The following GRIP1 variants were observed in gnomAD, a reference collection of about 807,000 sequenced individuals.
GRIP1 encodes the protein glutamate receptor interacting protein 1.
A neutral mutation model predicts 129.9 loss-of-function variants in GRIP1; 45 were observed. The ratio of observed to expected loss-of-function variants is 0.35; its 90% CI spans 0.27 to 0.44. The LOEUF is 0.44. Ranked by LOEUF, GRIP1 falls within the 20% of genes least tolerant of loss-of-function variation. GRIP1 has a pLI of 1.00. For synonymous variants in GRIP1, 530 were observed against 520.8 expected (o/e 1.02, Z -0.24); for missense variants, 1,196 against 1,396.8 (o/e 0.86, Z 2.29).
At chr12:66,705,670 A>G (rs2035503109) in intron 1 of GRIP1, among the ~76,000 whole-genome samples, 2 of 152,244 alleles carry the variant, frequency 1.3e-5, no homozygotes, top group Non-Finnish European at 2.9e-5. Flanking sequence ...ACAAGGCTAC[A>G]GTAACCAAAA....
At chr12:66,903,501 A>G (rs959987208) in intron 1 of GRIP1, among the ~76,000 whole-genome samples, 2 of 151,934 alleles carry the variant, frequency 1.3e-5, no homozygotes, top group African/African-American at 4.8e-5. Flanking sequence ...AAGATAAATT[A>G]TTTTTTAAAG....
intron 1 of GRIP1, among the ~76,000 whole-genome samples, chr12:66,825,789 A>G (rs1324243673): frequency 6.6e-6 from 1 of 152,218 alleles, no homozygotes; most frequent in Non-Finnish European, 1.5e-5. Flanking sequence ...ACATTTTAAA[A>G]TGCTGAATGC....
At chr12:66,452,681 C>G (rs549622701) in intron 11 of GRIP1, among the ~76,000 whole-genome samples, 51 of 152,078 alleles carry the variant, frequency 3.4e-4, no homozygotes, top group Admixed American at 2.6e-3. Context: ...ATATGTATTA[C>G]AAAGGGGGCA....
intron 22 of GRIP1, among the ~76,000 whole-genome samples, chr12:66,376,531 G>C (rs934586452): frequency 6.6e-6 from 1 of 152,134 alleles, no homozygotes; most frequent in Admixed American, 6.5e-5. Context: ...ATTCCATCTC[G>C]TTCTTCCTTG....
intron 1 of GRIP1, among the ~76,000 whole-genome samples, chr12:66,916,175 G>A (rs960746592): frequency 2.0e-5 from 3 of 152,170 alleles, no homozygotes; most frequent in Non-Finnish European, 4.4e-5. Flanking sequence ...AAAGGAAAAT[G>A]GCAAGTATGT....
intron 1 of GRIP1, among the ~76,000 whole-genome samples, chr12:67,049,126 C>A (rs1279295231): frequency 6.6e-6 from 1 of 152,096 alleles, no homozygotes; most frequent in Non-Finnish European, 1.5e-5. Context: ...CACTCAGAAC[C>A]ATGCACCGTT....
At chr12:66,856,593 A>C (rs1338839575) in intron 1 of GRIP1, among the ~76,000 whole-genome samples, 2 of 152,046 alleles carry the variant, frequency 1.3e-5, no homozygotes, top group African/African-American at 2.4e-5. Context: ...AAAAGAAGAC[A>C]TTTATGCAGC....
intron 1 of GRIP1, among the ~76,000 whole-genome samples, chr12:66,637,619 C>T (rs2031527339): frequency 6.6e-6 from 1 of 151,500 alleles, no homozygotes; most frequent in Admixed American, 6.6e-5. Flanking sequence ...AGTAATTAAG[C>T]TCGACTTAAA....
chr12:66,506,639 A>G (rs1032096381), intron 7 of GRIP1, among the ~76,000 whole-genome samples: 1 of 152,196 alleles, frequency 6.6e-6, no homozygotes, highest in Non-Finnish European at 1.5e-5. Context: ...TGTACAACTA[A>G]GATTTCAGTG....
intron 1 of GRIP1, among the ~76,000 whole-genome samples, chr12:67,057,445 A>G (rs1010993033): frequency 5.3e-5 from 8 of 152,066 alleles, no homozygotes; most frequent in Admixed American, 5.2e-4. Flanking sequence ...GTAAAAAAAA[A>G]AAAAAAAAAA....
chr12:66,676,502 A>T (rs1264214779), intron 1 of GRIP1, among the ~76,000 whole-genome samples: 2 of 152,170 alleles, frequency 1.3e-5, no homozygotes, highest in African/African-American at 4.8e-5. Context: ...AGCATTTCCT[A>T]AGAGCTCACA....
chr12:66,983,736 C>T (rs1566105857), intron 1 of GRIP1, among the ~76,000 whole-genome samples: 1 of 152,166 alleles, frequency 6.6e-6, no homozygotes, highest in Non-Finnish European at 1.5e-5. Context: ...TTTATGCATA[C>T]ACTTCATCAG....
intron 23 of GRIP1, among the ~76,000 whole-genome samples, chr12:66,366,820 A>G (rs1482045387): frequency 6.6e-6 from 1 of 151,536 alleles, no homozygotes; most frequent in East Asian, 1.9e-4. Flanking sequence ...AGTAGTTTAG[A>G]CTACAGGTGC....
At chr12:66,936,664 C>A (rs1317728418) in intron 1 of GRIP1, among the ~76,000 whole-genome samples, 1 of 152,124 alleles carries the variant, frequency 6.6e-6, no homozygotes, top group Admixed American at 6.6e-5. Flanking sequence ...GGCCTGGGCA[C>A]CCCTGAGCTT....
intron 16 of GRIP1, among the ~76,000 whole-genome samples, chr12:66,403,199 T>C (rs958239282): frequency 6.6e-6 from 1 of 152,228 alleles, no homozygotes; most frequent in African/African-American, 2.4e-5. Context: ...AATTGTGTAG[T>C]GGTGAAGCCT....
At chr12:66,997,748 CA>C (rs1443912724) in intron 1 of GRIP1, among the ~76,000 whole-genome samples, 1 of 152,060 alleles carries the variant, frequency 6.6e-6, no homozygotes, top group Non-Finnish European at 1.5e-5. Context: ...GACAATCTAG[CA>C]GGAAAATAAT....
intron 2 of GRIP1, among the ~76,000 whole-genome samples, chr12:66,565,399 G>GT (rs1398051097): frequency 2.0e-5 from 3 of 152,098 alleles, no homozygotes; most frequent in African/African-American, 7.2e-5. Flanking sequence ...CCCATTTCTT[G>GT]TTTTTGTCAG....
chr12:66,527,910 C>G (rs1183640897), intron 5 of GRIP1, among the ~76,000 whole-genome samples: 3 of 151,708 alleles, frequency 2.0e-5, no homozygotes, highest in Admixed American at 6.6e-5. Context: ...ACCCCAAGCC[C>G]CCATGACATG....
chr12:66,730,964 G>A (rs1400267176), intron 1 of GRIP1, among the ~76,000 whole-genome samples: 2 of 152,106 alleles, frequency 1.3e-5, no homozygotes. Flanking sequence ...AGTGTGGAAA[G>A]CATAATTATT....
Sources: allele counts gnomAD v4.1 joint callset (sites outside exome capture counted in the v4.1 genomes callset), GRCh38; gene constraint gnomAD v4.1.1; transcripts MANE v1.5; gene names NCBI Gene and HGNC (gene_info 2026-07-23, HGNC 2026-07-21).